The following SHOC1 variants were observed in gnomAD, a reference collection of about 807,000 sequenced individuals.
SHOC1 encodes protein shortage in chiasmata 1 ortholog.
SHOC1 carries 136 observed loss-of-function variants against 179.2 expected under a neutral mutation model. The ratio of observed to expected loss-of-function variants is 0.76; its 90% CI spans 0.66 to 0.87. SHOC1 has a LOEUF of 0.87. Among genes scored for constraint, SHOC1 ranks in the 40% least tolerant of loss-of-function variants. SHOC1 has a pLI of 0.00. For missense variants in SHOC1, 1,538 were observed against 1,700.8 expected, an observed-to-expected ratio of 0.90 and a Z score of 1.68; for synonymous variants, 489 against 586.6, an observed-to-expected ratio of 0.83 and a Z score of 2.41.
intron 16 of SHOC1, 91 bp downstream of exon 16, chr9:111,718,093 C>A (rs748920316): frequency 1.3e-5 from 11 of 836,016 alleles, no homozygotes; most frequent in Non-Finnish European, 2.1e-5. Flanking sequence ...TACATCATTT[C>A]TTATAAGGTG....
intron 10 of SHOC1, among the ~76,000 whole-genome samples, chr9:111,742,795 A>G (rs1382105078): frequency 6.6e-6 from 1 of 152,224 alleles, no homozygotes. Context: ...GTCATGTGAT[A>G]GAAAATTTGA....
intron 12 of SHOC1, among the ~76,000 whole-genome samples, chr9:111,737,608 C>T (rs919338855): frequency 1.3e-5 from 2 of 151,764 alleles, no homozygotes; most frequent in East Asian, 1.9e-4. Flanking sequence ...TGCAGTGGGT[C>T]GAGATCATGC....
chr9:111,793,637 G>A (rs1027238782), intron 1 of SHOC1, among the ~76,000 whole-genome samples: 16 of 150,622 alleles, frequency 1.1e-4, no homozygotes, highest in Non-Finnish European at 2.1e-4. Context: ...TAGAGAGAGG[G>A]TAATTTAAAA....
chr9:111,735,879 C>G (rs914611175), intron 12 of SHOC1, among the ~76,000 whole-genome samples: 3 of 152,200 alleles, frequency 2.0e-5, no homozygotes, highest in African/African-American at 7.2e-5. Context: ...GATCGCCATT[C>G]TAACTGGCGT....
chr9:111,763,701 A>T (rs1835235198), intron 5 of SHOC1, among the ~76,000 whole-genome samples: 1 of 152,230 alleles, frequency 6.6e-6, no homozygotes, highest in African/African-American at 2.4e-5. Context: ...AAAACTGACT[A>T]AACTGGCAGC....
intron 24 of SHOC1, among the ~76,000 whole-genome samples, chr9:111,696,578 A>G (rs1564104910): frequency 1.3e-5 from 2 of 152,124 alleles, no homozygotes; most frequent in Non-Finnish European, 2.9e-5. Flanking sequence ...GAATAGTTTG[A>G]TCCAGGTGGA....
intron 24 of SHOC1, among the ~76,000 whole-genome samples, chr9:111,699,611 A>G (rs908464214): frequency 1.3e-5 from 2 of 152,178 alleles, no homozygotes; most frequent in South Asian, 4.1e-4. Context: ...TTACCCTAGT[A>G]TATGTCTTAA....
At chr9:111,740,491 C>T (rs963786666) in intron 11 of SHOC1, among the ~76,000 whole-genome samples, 1 of 152,170 alleles carries the variant, frequency 6.6e-6, no homozygotes, top group Non-Finnish European at 1.5e-5. Context: ...AAGAGTTTAA[C>T]TTACTCAGAT....
intron 13 of SHOC1, among the ~76,000 whole-genome samples, chr9:111,724,830 C>G (rs1833226637): frequency 6.6e-6 from 1 of 152,202 alleles, no homozygotes; most frequent in Non-Finnish European, 1.5e-5. Context: ...ATCTGCATAT[C>G]TGACCTACTT....
intron 8 of SHOC1, among the ~76,000 whole-genome samples, chr9:111,752,672 C>T (rs773149056): frequency 9.9e-5 from 15 of 152,166 alleles, no homozygotes; most frequent in Non-Finnish European, 1.9e-4. Flanking sequence ...AATAACATAA[C>T]ATAGTAATCA....
chr9:111,718,432 T>C lies in SHOC1; in HGVS notation c.2132-144A>G, dbSNP rs988233595. ...GGCTGTATATAAGCTGGCTATTTCATTGAATCTATAACAACAATCCCATCA... is the reference window on the plus strand; with the variant it reads ...GGCTGTATATAAGCTGGCTATTTCACTGAATCTATAACAACAATCCCATCA... On this transcript the variant is annotated intron_variant, in intron 15 of 27. Transcript: ENST00000682961. The C allele has an allele frequency of 6.5e-6, 3 of 459,494 alleles. No homozygotes were observed. The South Asian group carries it at 1.4e-4, about 21-fold the overall frequency. 28.5% of individuals were successfully genotyped at this position (459,494 alleles called of 1,614,324 possible).
intron 8 of SHOC1, among the ~76,000 whole-genome samples, chr9:111,753,445 G>A (rs1459595645): frequency 6.6e-6 from 1 of 152,116 alleles, no homozygotes; most frequent in Non-Finnish European, 1.5e-5. Context: ...GTAATGCAAG[G>A]TTGATTGAAA....
chr9:111,774,703 T>G (rs1835763082), intron 5 of SHOC1, among the ~76,000 whole-genome samples: 2 of 140,450 alleles, frequency 1.4e-5, no homozygotes, highest in Admixed American at 1.5e-4. Context: ...TCTCTCTATA[T>G]ATATATCATC....
intron 12 of SHOC1, among the ~76,000 whole-genome samples, chr9:111,731,385 T>C (rs1833560849): frequency 6.6e-6 from 1 of 152,170 alleles, no homozygotes; most frequent in Non-Finnish European, 1.5e-5. Context: ...GTGAGAGTTG[T>C]GCAACTCCTC....
At position 111,702,190 on chromosome 9, in the gene SHOC1, T is replaced by C; in HGVS notation, c.3004A>G (p.Asn1002Asp). 1 of 1,478,490 alleles carries C rather than the reference T, an allele frequency of 6.8e-7. No homozygotes were observed. The highest frequency in any genetic ancestry group is 9.4e-7 in the Non-Finnish European group (1 of 1,060,622). 91.6% of individuals were successfully genotyped at this position (1,478,490 alleles called of 1,614,324 possible). ...EELNYEKASD[N>D]IIMRLMALSL... The stretch of plus-strand genomic sequence containing the variant: ...AATGCCATCAGCCTCATAATGATAT[T>C]GTCTGATGCCTTCTCATAATTCAAT... Residue 1002 changes from asparagine to aspartate, a missense_variant, in exon 23 of 28, where the codon AAT becomes GAT. Physicochemically the swap from Asn to Asp is conservative, Grantham distance 23. Transcript: ENST00000682961.
intron 1 of SHOC1, among the ~76,000 whole-genome samples, chr9:111,794,170 G>A (rs550791486): frequency 6.6e-6 from 1 of 150,690 alleles, no homozygotes; most frequent in Admixed American, 6.6e-5. Context: ...TTATTTAAAA[G>A]CACTCACAGG....
chr9:111,792,676 C>A (rs1467358792), intron 1 of SHOC1, among the ~76,000 whole-genome samples: 3 of 152,130 alleles, frequency 2.0e-5, no homozygotes, highest in Non-Finnish European at 4.4e-5. Flanking sequence ...TTGGATATTA[C>A]AATATGTTTT....
rs78763955 is a variant in SHOC1 at position 111,760,741 on chromosome 9, T to C, written c.443-1893A>G. On this transcript the variant is annotated intron_variant, in intron 5 of 27. Coordinates refer to ENST00000682961, the MANE Select transcript of SHOC1 (RefSeq NM_001378211.1). ...TTCAGAAAGTATATGCAGGAAATGA[T>C]AGAACTTTATTGAAGATCATTTTTT... 9.3e-3 allele frequency among the ~76,000 whole-genome samples: 1,421 copies of C among 151,992 alleles called. 11 individuals carry two copies. The highest frequency in any genetic ancestry group is 0.015 in the Non-Finnish European group (1,047 of 67,900).
intron 5 of SHOC1, among the ~76,000 whole-genome samples, chr9:111,763,620 A>G (rs1442046673): frequency 6.6e-6 from 1 of 152,138 alleles, no homozygotes; most frequent in Admixed American, 6.6e-5. Context: ...TGGAAGATTA[A>G]AAAAAATTTA....
Sources: gnomAD v4.1 joint callset for allele counts (sites outside exome capture counted in the v4.1 genomes callset) on GRCh38, gnomAD v4.1.1 for gene constraint, MANE v1.5 for transcripts, NCBI Gene and HGNC (gene_info 2026-07-23, HGNC 2026-07-21) for gene names.